The following ENTREP2 variants were observed in gnomAD, a reference collection of about 807,000 sequenced individuals.
ENTREP2 encodes the protein protein ENTREP2.
the ENTREP2 span, among the ~76,000 whole-genome samples, chr15:29,177,127 G>A: frequency 4.6e-5 from 7 of 152,278 alleles, no homozygotes; most frequent in South Asian, 2.1e-4. Flanking sequence ...TGATAACATC[G>A]ACAAGGTTGG....
At chr15:29,291,704 T>C in the ENTREP2 span, among the ~76,000 whole-genome samples, 1 of 152,246 alleles carries the variant, frequency 6.6e-6, no homozygotes, top group Non-Finnish European at 1.5e-5. Flanking sequence ...CTTTGTGAGT[T>C]TGAATCTTTT....
the ENTREP2 span, among the ~76,000 whole-genome samples, chr15:29,558,901 G>GT: frequency 6.6e-6 from 1 of 151,164 alleles, no homozygotes; most frequent in Non-Finnish European, 1.5e-5. Flanking sequence ...TTACTTTATG[G>GT]TAAGAATACA....
the ENTREP2 span, among the ~76,000 whole-genome samples, chr15:29,460,208 C>T: frequency 6.6e-6 from 1 of 152,114 alleles, no homozygotes; most frequent in African/African-American, 2.4e-5. Flanking sequence ...GCCACGATCG[C>T]ACCACTGCCT....
the ENTREP2 span, among the ~76,000 whole-genome samples, chr15:29,404,501 C>G: frequency 6.6e-6 from 1 of 151,838 alleles, no homozygotes; most frequent in Admixed American, 6.6e-5. Flanking sequence ...CAGGCTGACA[C>G]TGATCTTACT....
the ENTREP2 span, among the ~76,000 whole-genome samples, chr15:29,306,249 C>T: frequency 3.9e-5 from 6 of 152,142 alleles, no homozygotes; most frequent in Admixed American, 2.0e-4. Flanking sequence ...AACCTGGAGT[C>T]AGGATGACAA....
the ENTREP2 span, among the ~76,000 whole-genome samples, chr15:29,236,761 T>A: frequency 6.6e-6 from 1 of 152,140 alleles, no homozygotes; most frequent in African/African-American, 2.4e-5. Context: ...GCCTAAAGAA[T>A]AATTAACATC....
chr15:29,531,734 C>T, the ENTREP2 span, among the ~76,000 whole-genome samples: 2 of 152,202 alleles, frequency 1.3e-5, no homozygotes, highest in Non-Finnish European at 1.5e-5. Flanking sequence ...GGCGCAATCT[C>T]GGCTCACTGC....
the ENTREP2 span, among the ~76,000 whole-genome samples, chr15:29,642,825 G>A: frequency 6.6e-6 from 1 of 152,032 alleles, no homozygotes; most frequent in African/African-American, 2.4e-5. Context: ...TGCTGGCCAG[G>A]ATGATCTCGA....
the ENTREP2 span, among the ~76,000 whole-genome samples, chr15:29,318,018 C>T: frequency 1.3e-5 from 2 of 152,088 alleles, no homozygotes; most frequent in Non-Finnish European, 1.5e-5. Flanking sequence ...CTCTCACAGG[C>T]AACAAAACAC....
the ENTREP2 span, among the ~76,000 whole-genome samples, chr15:29,378,467 T>G: frequency 1.2e-4 from 18 of 152,314 alleles, no homozygotes; most frequent in East Asian, 3.5e-3. Flanking sequence ...GTGAAAGTAT[T>G]TTTGTAGATG....
chr15:29,369,105 A>T, the ENTREP2 span, among the ~76,000 whole-genome samples: 1 of 152,090 alleles, frequency 6.6e-6, no homozygotes, highest in East Asian at 1.9e-4. Flanking sequence ...AGTGTACCAA[A>T]GTGCATGCAA....
chr15:29,185,141 C>T, the ENTREP2 span, among the ~76,000 whole-genome samples: 2 of 151,854 alleles, frequency 1.3e-5, no homozygotes. Context: ...TAATATAATA[C>T]CTTCCAGATA....
chr15:29,165,104 TA>T, the ENTREP2 span, among the ~76,000 whole-genome samples: 1 of 151,952 alleles, frequency 6.6e-6, no homozygotes, highest in Non-Finnish European at 1.5e-5. Flanking sequence ...AGGTGGAAAT[TA>T]AAAAATTCTT....
chr15:29,194,577 G>A, the ENTREP2 span, among the ~76,000 whole-genome samples: 2 of 152,206 alleles, frequency 1.3e-5, no homozygotes, highest in Non-Finnish European at 2.9e-5. Context: ...GGAACTTCTT[G>A]ACTTCAGTGG....
chr15:29,638,068 G>T, the ENTREP2 span, among the ~76,000 whole-genome samples: 2 of 152,210 alleles, frequency 1.3e-5, no homozygotes, highest in East Asian at 1.9e-4. Context: ...CCTTCAGAGG[G>T]TAATGGCTGC....
chr15:29,123,670 C>A, the ENTREP2 span: 3 of 1,543,054 alleles, frequency 1.9e-6, no homozygotes, highest in Non-Finnish European at 2.6e-6. Flanking sequence ...AAATCAAGGG[C>A]AAAAGTGCAG....
the ENTREP2 span, among the ~76,000 whole-genome samples, chr15:29,423,793 C>T: frequency 6.7e-6 from 1 of 149,488 alleles, no homozygotes. Context: ...GAGACTCCGT[C>T]TCAAAAAAAA....
chr15:29,320,108 C>A, the ENTREP2 span, among the ~76,000 whole-genome samples: 1 of 152,108 alleles, frequency 6.6e-6, no homozygotes, highest in Non-Finnish European at 1.5e-5. Flanking sequence ...TCACCTAAGG[C>A]AGGAATAAAA....
chr15:29,196,462 C>T, the ENTREP2 span: 5 of 1,551,718 alleles, frequency 3.2e-6, no homozygotes, highest in Admixed American at 9.8e-5. Context: ...TTGCAGTTCT[C>T]CTGCAGCGGG....
Sources: gnomAD v4.1 joint callset for allele counts (sites outside exome capture counted in the v4.1 genomes callset) on GRCh38, gnomAD v4.1.1 for gene constraint, MANE v1.5 for transcripts, NCBI Gene and HGNC (gene_info 2026-07-23, HGNC 2026-07-21) for gene names.